CNTLN: variants seen among roughly 807,000 people sequenced by gnomAD.
CNTLN encodes the protein centlein, also known as centlein, centrosomal protein.
CNTLN carries 212 observed loss-of-function variants against 180.0 expected under a neutral mutation model. The observed-to-expected ratio is 1.18, with a 90% CI of 1.05 to 1.32. The LOEUF (loss-of-function observed/expected upper bound fraction) is 1.32, where lower values mean the gene tolerates loss of function less well. CNTLN is among the 40% of genes most tolerant of loss of function. CNTLN has a pLI of 0.00. For synonymous variants in CNTLN, 722 were observed against 563.1 expected (o/e 1.28, Z -3.99); for missense variants, 2,095 against 1,610.9 (o/e 1.30, Z -5.14).
intron 15 of CNTLN, among the ~76,000 whole-genome samples, chr9:17,398,426 A>G (rs1470217704): frequency 1.3e-5 from 2 of 152,152 alleles, no homozygotes; most frequent in Non-Finnish European, 2.9e-5. Flanking sequence ...TTCTGAGATT[A>G]ATAGGTGATT....
At chr9:17,491,829 A>C (rs570968930) in intron 25 of CNTLN, among the ~76,000 whole-genome samples, 67 of 151,212 alleles carry the variant, frequency 4.4e-4, no homozygotes, top group Admixed American at 7.9e-4. Context: ...AAATATGCTT[A>C]CCTTCTGTAG....
chr9:17,159,070 T>G (rs925276722), intron 2 of CNTLN, among the ~76,000 whole-genome samples: 1 of 152,210 alleles, frequency 6.6e-6, no homozygotes, highest in Non-Finnish European at 1.5e-5. Flanking sequence ...GATGTCCTCT[T>G]TGACCTGTTG....
intron 10 of CNTLN, among the ~76,000 whole-genome samples, chr9:17,338,528 C>G (rs548590200): frequency 6.6e-6 from 1 of 151,506 alleles, no homozygotes; most frequent in East Asian, 1.9e-4. Flanking sequence ...TTGCTGAAAT[C>G]ACTAATATTG....
At chr9:17,427,455 T>C (rs1829162081) in intron 18 of CNTLN, among the ~76,000 whole-genome samples, 2 of 152,152 alleles carry the variant, frequency 1.3e-5, no homozygotes, top group African/African-American at 4.8e-5. Flanking sequence ...ATATCAAAGA[T>C]TGAACAAAAT....
At chr9:17,292,141 G>A (rs531109020) in intron 6 of CNTLN, among the ~76,000 whole-genome samples, 30 of 152,248 alleles carry the variant, frequency 2.0e-4, no homozygotes, top group East Asian at 1.5e-3. Context: ...ATCTCTTCTC[G>A]CTTGTAGGGT....
At chr9:17,298,899 T>G in intron 7 of CNTLN, 35 of 985,400 alleles carry the variant, frequency 3.6e-5, no homozygotes, top group Non-Finnish European at 4.2e-5. Flanking sequence ...CCCAAGTATT[T>G]AGGTGTGCTA....
At chr9:17,522,984 A>T in the CNTLN span, among the ~76,000 whole-genome samples, 2 of 152,178 alleles carry the variant, frequency 1.3e-5, no homozygotes, top group African/African-American at 2.4e-5. Context: ...GCTCCAAAAA[A>T]CTCCATTTCC....
chr9:17,524,695 A>G, the CNTLN span, among the ~76,000 whole-genome samples: 4 of 152,224 alleles, frequency 2.6e-5, no homozygotes, highest in African/African-American at 7.2e-5. Flanking sequence ...GAACTTGACT[A>G]TTTGTTGTAA....
the CNTLN span, among the ~76,000 whole-genome samples, chr9:17,523,886 C>G: frequency 3.3e-5 from 5 of 152,184 alleles, no homozygotes; most frequent in Non-Finnish European, 7.3e-5. Flanking sequence ...ACATATTCCT[C>G]CATTACAGGG....
intron 3 of CNTLN, among the ~76,000 whole-genome samples, chr9:17,227,839 C>G (rs1454018062): frequency 2.0e-5 from 3 of 151,824 alleles, no homozygotes; most frequent in African/African-American, 7.3e-5. Flanking sequence ...TAAATTTGTT[C>G]TGGAAAGAAA....
At chr9:17,224,044 A>G (rs1318674765) in intron 2 of CNTLN, among the ~76,000 whole-genome samples, 2 of 151,930 alleles carry the variant, frequency 1.3e-5, no homozygotes, top group East Asian at 3.9e-4. Context: ...CAAATATAAT[A>G]TTACTTTTAA....
chr9:17,186,242 A>G (rs1366447955), intron 2 of CNTLN, among the ~76,000 whole-genome samples: 2 of 152,176 alleles, frequency 1.3e-5, no homozygotes, highest in African/African-American at 4.8e-5. Flanking sequence ...TTCATCTTTG[A>G]ATGACTGGTA....
At chr9:17,183,503 GAGA>G (rs1216272999) in intron 2 of CNTLN, among the ~76,000 whole-genome samples, 2 of 151,710 alleles carry the variant, frequency 1.3e-5, no homozygotes, top group Non-Finnish European at 1.5e-5. Flanking sequence ...TGTAAAAAAG[GAGA>G]AGAATATAAG....
intron 2 of CNTLN, 29 bp from the exon 3 acceptor site, chr9:17,226,174 C>G (rs769435553): frequency 2.5e-6 from 3 of 1,208,108 alleles, no homozygotes; most frequent in Middle Eastern, 2.2e-4. Flanking sequence ...CCAGTTATGA[C>G]TAATAAACTC....
intron 18 of CNTLN, among the ~76,000 whole-genome samples, chr9:17,453,857 C>T (rs1370332670): frequency 6.6e-6 from 1 of 152,154 alleles, no homozygotes; most frequent in Non-Finnish European, 1.5e-5. Context: ...GGGGAATCTC[C>T]CTGATCTCAG....
downstream of CNTLN, among the ~76,000 whole-genome samples, chr9:17,507,244 T>C (rs114933399): frequency 2.7e-3 from 408 of 152,302 alleles, 2 homozygotes; most frequent in African/African-American, 9.4e-3. Context: ...ATGAGGTATT[T>C]TGTTTTCTGT....
intron 23 of CNTLN, among the ~76,000 whole-genome samples, chr9:17,473,889 C>T (rs1016952060): frequency 1.3e-5 from 2 of 152,304 alleles, no homozygotes; most frequent in East Asian, 1.9e-4. Flanking sequence ...CATTTGATAT[C>T]GTTGATCACT....
At chr9:17,148,515 T>C (rs1391678601) in intron 2 of CNTLN, among the ~76,000 whole-genome samples, 3 of 152,200 alleles carry the variant, frequency 2.0e-5, no homozygotes, top group Non-Finnish European at 4.4e-5. Context: ...TGAACAAAGC[T>C]TATCTAACCC....
At chr9:17,178,362 G>A (rs923762641) in intron 2 of CNTLN, among the ~76,000 whole-genome samples, 7 of 152,168 alleles carry the variant, frequency 4.6e-5, no homozygotes, top group African/African-American at 1.4e-4. Context: ...AGTGGATCCC[G>A]CACCCGGGCC....
Sources: gnomAD v4.1 joint callset for allele counts (sites outside exome capture counted in the v4.1 genomes callset) on GRCh38, gnomAD v4.1.1 for gene constraint, MANE v1.5 for transcripts, NCBI Gene and HGNC (gene_info 2026-07-23, HGNC 2026-07-21) for gene names.